SIPA1L1: variants seen among roughly 807,000 people sequenced by gnomAD.
SIPA1L1 encodes the protein signal induced proliferation associated 1 like 1, also known as signal-induced proliferation-associated 1-like protein 1.
Under a neutral mutation model 162.7 loss-of-function variants are expected in SIPA1L1, and 26 were observed. The observed-to-expected ratio is 0.16, with a 90% CI of 0.12 to 0.22. The LOEUF is 0.22. Among genes scored for constraint, SIPA1L1 ranks in the 10% least tolerant of loss-of-function variants. SIPA1L1 has a pLI of 1.00. For missense variants in SIPA1L1, 1,874 were observed against 2,241.0 expected (o/e 0.84, Z 3.31); for synonymous variants, 829 against 837.4 (o/e 0.99, Z 0.17).
At chr14:71,624,582 TTAA>T (rs961741984) in intron 7 of SIPA1L1, among the ~76,000 whole-genome samples, 1 of 152,202 alleles carries the variant, frequency 6.6e-6, no homozygotes, top group Non-Finnish European at 1.5e-5. Context: ...ATAACAGTAA[TTAA>T]TAATAATGAG....
rs59384457 is a variant in SIPA1L1, at chr14:71,528,525, C to T, written c.-361-787C>T. ...CAAAAATTAGCTGGGCGTGATGGTG[C>T]GCGCCTCTAGTTCAGCTACTCGGGA... On this transcript the variant is annotated intron_variant, in intron 3 of 23. Coordinates refer to ENST00000381232, the MANE Select transcript of SIPA1L1 (RefSeq NM_001386936.1). Among the ~76,000 whole-genome samples the T allele has an allele frequency of 0.013, 1,971 of 151,948 alleles. 147 individuals carry two copies. The East Asian group carries it at 0.22, about 17-fold the overall frequency.
chr14:71,329,621 A>G (rs2034279797), intron 2 of SIPA1L1, among the ~76,000 whole-genome samples: 1 of 152,048 alleles, frequency 6.6e-6, no homozygotes, highest in South Asian at 2.1e-4. Context: ...TAAAAAAACA[A>G]TTTAAATAGG....
intron 4 of SIPA1L1, among the ~76,000 whole-genome samples, chr14:71,543,870 TATGTGTATATATACATATATCATAC>T (rs2054734888): frequency 6.8e-6 from 1 of 146,242 alleles, no homozygotes; most frequent in African/African-American, 2.6e-5. Flanking sequence ...ATATCATACG[TATGTGTATATATACATATATCATAC>T]GTATATGTGT....
chr14:71,544,161 A>G (rs1183915843), intron 4 of SIPA1L1, among the ~76,000 whole-genome samples: 2 of 143,326 alleles, frequency 1.4e-5, no homozygotes, highest in Non-Finnish European at 3.1e-5. Context: ...GTGTGTGTAT[A>G]TGTACATATA....
rs537296107 is a variant in SIPA1L1, at chr14:71,641,489, G to A, written c.1819-8846G>A. ...TGTAATCCCAGCACTTTGGGAGGCC[G>A]AGGCGGGCAGATCACGAGGTCAGGA... On this transcript the variant is annotated intron_variant, in intron 7 of 23. Transcript: ENST00000381232. Among the ~76,000 whole-genome samples, 8 of 152,292 alleles carry A rather than the reference G, an allele frequency of 5.3e-5. No individual in the cohort carries two copies. The South Asian group carries it at 1.2e-3, about 24-fold the overall frequency.
chr14:71,451,470 C>A (rs941341635), intron 2 of SIPA1L1, among the ~76,000 whole-genome samples: 5 of 151,368 alleles, frequency 3.3e-5, no homozygotes, highest in Non-Finnish European at 5.9e-5. Context: ...CTTGTCTCTA[C>A]AAAAAAATTT....
intron 2 of SIPA1L1, among the ~76,000 whole-genome samples, chr14:71,356,585 A>AAAAAAAAAAAAAAAAAAG (rs1316274254): frequency 1.4e-5 from 2 of 147,098 alleles, no homozygotes; most frequent in South Asian, 4.3e-4. Context: ...AAAAAAAAAA[A>AAAAAAAAAAAAAAAAAAG]AAGCACACCT....
Position 71,436,743 on chromosome 14 carries a change from A to G in SIPA1L1, c.-464-76000A>G, listed in dbSNP as rs375308316. Among the ~76,000 whole-genome samples, 13 of 151,278 alleles carry G rather than the reference A, an allele frequency of 8.6e-5. No individual in the cohort carries two copies. The South Asian group carries it at 1.5e-3, about 17-fold the overall frequency. ...TTCTTGTTTATTTTCCATATAAACT[A>G]CAGACATACCTTCTGAATTTTTTTT... is the stretch of plus-strand genomic sequence containing the variant. On this transcript the variant is annotated intron_variant, in intron 2 of 23. Transcript: ENST00000381232.
intron 7 of SIPA1L1, among the ~76,000 whole-genome samples, chr14:71,632,732 A>G (rs1402014202): frequency 1.3e-5 from 2 of 152,336 alleles, no homozygotes; most frequent in East Asian, 3.9e-4. Context: ...GGGCAGTATC[A>G]GGAGAGACTC....
chr14:71,555,780 T>C (rs1228557608), intron 4 of SIPA1L1, among the ~76,000 whole-genome samples: 2 of 152,108 alleles, frequency 1.3e-5, no homozygotes, highest in African/African-American at 4.8e-5. Context: ...TCTCAGAGAC[T>C]AGAGAGCCCA....
rs2043226216 is a variant in SIPA1L1 at position 71,658,235 on chromosome 14, ATTTTCTTTTCTTCTC to A, written c.1994-88_1994-74del. ...GTCTAGAATCTTTTCATCCTAAATC[ATTTTCTTTTCTTCTC>A]TTTTCTTTTTTGAGATATTTCTCTT... is the stretch of plus-strand genomic sequence containing the variant. On this transcript the variant is annotated intron_variant, in intron 8 of 23. Coordinates refer to ENST00000381232, the MANE Select transcript of SIPA1L1 (RefSeq NM_001386936.1). 4.3e-6 allele frequency: 3 copies of A among 692,934 alleles called. No individual in the cohort carries two copies. The Admixed American group carries it at 8.2e-5, about 19-fold the overall frequency. 42.9% of individuals were successfully genotyped at this position (692,934 alleles called of 1,614,324 possible). A position where few individuals can be genotyped will look rare whatever the true frequency, so the allele number is the denominator to read the frequency against.
chr14:71,651,411 CA>C, intron 8 of SIPA1L1, among the ~76,000 whole-genome samples: 1 of 152,282 alleles, frequency 6.6e-6, no homozygotes, highest in South Asian at 2.1e-4. Context: ...AACTCCACTG[CA>C]GGGAAGAATT....
intron 5 of SIPA1L1, among the ~76,000 whole-genome samples, chr14:71,601,624 T>C (rs2148020291): frequency 6.6e-6 from 1 of 152,330 alleles, no homozygotes; most frequent in South Asian, 2.1e-4. Context: ...TTAGGTAGAA[T>C]TCCATCTTCT....
At chr14:71,480,089 G>GTT (rs1204137654) in intron 2 of SIPA1L1, among the ~76,000 whole-genome samples, 48 of 143,310 alleles carry the variant, frequency 3.3e-4, no homozygotes, top group Middle Eastern at 6.9e-3. Context: ...TTTGTTTTTT[G>GTT]TTTTTTTTTT....
At chr14:71,373,204 G>A (rs41218) in intron 2 of SIPA1L1, among the ~76,000 whole-genome samples, 64,313 of 151,334 alleles carry the variant, frequency 0.42, 14,319 homozygotes, top group Admixed American at 0.51. Flanking sequence ...CCGGCTACTC[G>A]GGAGGCTGAG....
intron 8 of SIPA1L1, among the ~76,000 whole-genome samples, chr14:71,652,061 G>T (rs747624021): frequency 1.3e-5 from 2 of 151,758 alleles, no homozygotes; most frequent in Non-Finnish European, 2.9e-5. Flanking sequence ...TCCTGAGAAG[G>T]ATTCAAAGAA....
chr14:71,577,881 A>G (rs1458990241), intron 4 of SIPA1L1, among the ~76,000 whole-genome samples: 1 of 151,484 alleles, frequency 6.6e-6, no homozygotes, highest in Non-Finnish European at 1.5e-5. Flanking sequence ...ACAGGCACAC[A>G]CCACCACGCC....
chr14:71,708,656 A>G (rs1353360023), intron 16 of SIPA1L1, among the ~76,000 whole-genome samples: 1 of 152,142 alleles, frequency 6.6e-6, no homozygotes, highest in Non-Finnish European at 1.5e-5. Context: ...GTGAATATTC[A>G]GTTGTCTCAC....
intron 4 of SIPA1L1, chr14:71,574,078 G>A: frequency 5.5e-6 from 1 of 182,732 alleles, no homozygotes; most frequent in Non-Finnish European, 1.2e-5. Flanking sequence ...TAGAAATTTT[G>A]ATTTCTACAA....
Sources: allele counts gnomAD v4.1 joint callset (sites outside exome capture counted in the v4.1 genomes callset), GRCh38; gene constraint gnomAD v4.1.1; transcripts MANE v1.5; gene names NCBI Gene and HGNC (gene_info 2026-07-23, HGNC 2026-07-21).